The following ADAM9 variants were observed in gnomAD, a reference collection of about 807,000 sequenced individuals.
The protein encoded by ADAM9 is disintegrin and metalloproteinase domain-containing protein 9.
In ADAM9, 54 loss-of-function variants were observed where a neutral mutation model predicts 108.1. That is an observed-to-expected ratio of 0.50 (90% CI 0.40 to 0.63). The LOEUF is 0.63. ADAM9 is among the 20% of genes least tolerant of loss of function. ADAM9 has a pLI of 0.00. For missense variants in ADAM9, 830 were observed against 997.7 expected (o/e 0.83, Z 2.26); for synonymous variants, 316 against 336.0 (o/e 0.94, Z 0.65).
intron 12 of ADAM9, among the ~76,000 whole-genome samples, chr8:39,051,491 A>T (rs1288479035): frequency 1.3e-5 from 2 of 152,208 alleles, no homozygotes; most frequent in African/African-American, 4.8e-5. Context: ...TAAAATGTAC[A>T]TGCTTTTAGA....
intron 14 of ADAM9, 147 bp downstream of exon 14, chr8:39,055,919 A>G: frequency 1.2e-6 from 1 of 811,142 alleles, no homozygotes; most frequent in Non-Finnish European, 1.9e-6. Flanking sequence ...GGCAGTCATG[A>G]TCATGAATTT....
rs978542593 is a variant in ADAM9 at position 39,069,812 on chromosome 8, T to C, written c.1592-1486T>C. Among the ~76,000 whole-genome samples the C allele has an allele frequency of 5.3e-5, 8 of 152,312 alleles. 1 individual carries two copies. The highest frequency in any genetic ancestry group is 8.8e-5 in the Non-Finnish European group (6 of 68,030). ...CAAAAGGTAGAAAATAAATATTTCC[T>C]CTACTGTCAATATTCTGGATAAGTA... On this transcript the variant is annotated intron_variant, in intron 14 of 21. Coordinates refer to ENST00000487273, the MANE Select transcript of ADAM9 (RefSeq NM_003816.3).
At chr8:39,073,612 T>C (rs942636533) in intron 15 of ADAM9, among the ~76,000 whole-genome samples, 1 of 152,168 alleles carries the variant, frequency 6.6e-6, no homozygotes, top group African/African-American at 2.4e-5. Flanking sequence ...ACAGATGATA[T>C]GGATGAAGAA....
Position 39,016,981 on chromosome 8 carries a change from G to T in ADAM9, c.411-238G>T, listed in dbSNP as rs1036113263. ...TATTTTGTAGTGCCTTCCATTTCCC[G>T]TAGATCACTCAGGGAGGTTAAGTGA... is the stretch of plus-strand genomic sequence containing the variant. On this transcript the variant is annotated intron_variant, in intron 5 of 21. Coordinates refer to ENST00000487273, the MANE Select transcript of ADAM9 (RefSeq NM_003816.3). 26 of 514,324 alleles carry T rather than the reference G, an allele frequency of 5.1e-5. 1 individual carries two copies. In the South Asian group the frequency reaches 5.3e-4, roughly 11 times the overall value. The allele number at this position is 514,324 out of a possible 1,614,324, so 31.9% of individuals were successfully genotyped here.
intron 1 of ADAM9, among the ~76,000 whole-genome samples, chr8:39,004,964 A>T (rs1022556808): frequency 3.9e-5 from 6 of 151,978 alleles, no homozygotes; most frequent in Admixed American, 3.9e-4. Flanking sequence ...TCTTGTACTG[A>T]CCTCCTATCT....
intron 2 of ADAM9, among the ~76,000 whole-genome samples, chr8:39,010,235 A>G (rs1836312891): frequency 6.6e-6 from 1 of 152,222 alleles, no homozygotes; most frequent in Non-Finnish European, 1.5e-5. Flanking sequence ...TCTTTTTAGT[A>G]GACATAGCAG....
chr8:39,016,561 G>A (rs146189332), intron 5 of ADAM9, among the ~76,000 whole-genome samples: 131 of 152,194 alleles, frequency 8.6e-4, no homozygotes, highest in African/African-American at 3.1e-3. Context: ...CATTATCTCT[G>A]TATTTAGGTG....
chr8:39,041,228 GC>G (rs1250570486), intron 11 of ADAM9, among the ~76,000 whole-genome samples: 1 of 151,774 alleles, frequency 6.6e-6, no homozygotes, highest in Non-Finnish European at 1.5e-5. Flanking sequence ...TAAAGTAGTA[GC>G]TAAAAAAAAA....
chr8:39,011,623 T>C (rs929787927), intron 2 of ADAM9, 35 bp from the exon 3 acceptor site: 2 of 1,568,510 alleles, frequency 1.3e-6, no homozygotes, highest in Non-Finnish European at 1.8e-6. Context: ...ATTTTTAAGA[T>C]GATGTTTTAT....
At chr8:39,069,175 A>G (rs1231439812) in intron 14 of ADAM9, among the ~76,000 whole-genome samples, 1 of 151,904 alleles carries the variant, frequency 6.6e-6, no homozygotes, top group Non-Finnish European at 1.5e-5. Context: ...TTATTACTTC[A>G]CCAATTTCTT....
intron 4 of ADAM9, 23 bp downstream of exon 4, chr8:39,014,066 C>A (rs1250711891): frequency 6.3e-7 from 1 of 1,584,764 alleles, no homozygotes; most frequent in Non-Finnish European, 8.7e-7. Flanking sequence ...TCTCTTGATC[C>A]CATAGCAAAT....
chr8:39,010,719 T>A (rs912257031), intron 2 of ADAM9, among the ~76,000 whole-genome samples: 1 of 152,152 alleles, frequency 6.6e-6, no homozygotes, highest in African/African-American at 2.4e-5. Flanking sequence ...AATTGGAGGA[T>A]GTGTATATAT....
intron 11 of ADAM9, among the ~76,000 whole-genome samples, chr8:39,027,737 C>T (rs905492062): frequency 2.6e-5 from 4 of 151,926 alleles, no homozygotes; most frequent in East Asian, 1.9e-4. Context: ...GTAGTTCGTA[C>T]GTGTGTAGAT....
intron 18 of ADAM9, among the ~76,000 whole-genome samples, chr8:39,085,443 TA>T (rs1391227484): frequency 1.3e-5 from 2 of 152,242 alleles, no homozygotes; most frequent in African/African-American, 4.8e-5. Context: ...TTCATTTATG[TA>T]AATTTGCATT....
intron 10 of ADAM9, among the ~76,000 whole-genome samples, chr8:39,026,112 G>A (rs1836911879): frequency 6.6e-6 from 1 of 152,104 alleles, no homozygotes; most frequent in South Asian, 2.1e-4. Context: ...TTTACTTTAA[G>A]TTCTGGGACA....
intron 12 of ADAM9, among the ~76,000 whole-genome samples, chr8:39,054,265 T>C (rs1304394059): frequency 2.0e-5 from 3 of 152,174 alleles, no homozygotes; most frequent in Admixed American, 2.0e-4. Context: ...GTAAGGCACA[T>C]ACTATATGAT....
At chr8:39,045,580 A>G (rs1837740462) in intron 12 of ADAM9, among the ~76,000 whole-genome samples, 1 of 150,998 alleles carries the variant, frequency 6.6e-6, no homozygotes, top group African/African-American at 2.4e-5. Context: ...GTATATATAT[A>G]TATATATAAA....
chr8:39,057,844 T>G (rs1368896166), intron 14 of ADAM9, among the ~76,000 whole-genome samples: 2 of 152,188 alleles, frequency 1.3e-5, no homozygotes, highest in Non-Finnish European at 2.9e-5. Flanking sequence ...CGTAATTATG[T>G]TTGATTAAAT....
At chr8:39,065,577 G>C (rs947441331) in intron 14 of ADAM9, among the ~76,000 whole-genome samples, 2 of 149,858 alleles carry the variant, frequency 1.3e-5, no homozygotes, top group Admixed American at 6.7e-5. Context: ...GGAGAATGGC[G>C]TGAACCCGGG....
Sources: gnomAD v4.1 joint callset for allele counts (sites outside exome capture counted in the v4.1 genomes callset) on GRCh38, gnomAD v4.1.1 for gene constraint, MANE v1.5 for transcripts, NCBI Gene and HGNC (gene_info 2026-07-23, HGNC 2026-07-21) for gene names.